DNAJC15: variants seen among roughly 807,000 people sequenced by gnomAD.
The protein encoded by DNAJC15 is DnaJ heat shock protein family (Hsp40) member C15, also known as dnaJ homolog subfamily C member 15.
DNAJC15 carries 27 observed loss-of-function variants against 22.4 expected under a neutral mutation model. That is an observed-to-expected ratio of 1.20 (90% CI 0.89 to 1.66). DNAJC15 has a LOEUF of 1.66. DNAJC15 is among the 40% of genes most tolerant of loss of function. The pLI is 0.00. For synonymous variants in DNAJC15, 79 were observed against 63.2 expected (o/e 1.25, Z -1.19); for missense variants, 208 against 187.1 (o/e 1.11, Z -0.65).
intron 1 of DNAJC15, among the ~76,000 whole-genome samples, chr13:43,064,259 G>C (rs1000928879): frequency 6.6e-6 from 1 of 152,160 alleles, no homozygotes; most frequent in Non-Finnish European, 1.5e-5. Flanking sequence ...ACCTTCATGC[G>C]GCTGCCCTTG....
At chr13:43,024,893 T>TAAAAAAAAAAAAAA (rs34398144) in intron 1 of DNAJC15, among the ~76,000 whole-genome samples, 30 of 85,946 alleles carry the variant, frequency 3.5e-4, no homozygotes, top group African/African-American at 6.0e-4. Context: ...CCATCTCTGC[T>TAAAAAAAAAAAAAA]AAAAAAAAAA....
At chr13:43,101,020 A>C (rs144548517) in intron 5 of DNAJC15, among the ~76,000 whole-genome samples, 1 of 152,066 alleles carries the variant, frequency 6.6e-6, no homozygotes, top group African/African-American at 2.4e-5. Flanking sequence ...TTTTGTCTCT[A>C]ATAACATTTT....
chr13:43,050,922 AC>A (rs2040499866), intron 1 of DNAJC15, among the ~76,000 whole-genome samples: 1 of 151,566 alleles, frequency 6.6e-6, no homozygotes, highest in Non-Finnish European at 1.5e-5. Flanking sequence ...ATCCTTTTTT[AC>A]TCTAGTGATC....
chr13:43,055,008 A>T (rs1593315982), intron 1 of DNAJC15, among the ~76,000 whole-genome samples: 1 of 149,494 alleles, frequency 6.7e-6, no homozygotes, highest in East Asian at 2.0e-4. Flanking sequence ...CAGTAAAAAC[A>T]GTGGGCCTTA....
chr13:43,059,771 G>A (rs915850170), intron 1 of DNAJC15, among the ~76,000 whole-genome samples: 9 of 152,250 alleles, frequency 5.9e-5, no homozygotes, highest in Non-Finnish European at 1.3e-4. Flanking sequence ...TCCGAAAAGA[G>A]AGTCAGCAAA....
intron 5 of DNAJC15, among the ~76,000 whole-genome samples, chr13:43,092,338 CTT>C (rs752003550): frequency 3.9e-5 from 6 of 151,928 alleles, no homozygotes; most frequent in Non-Finnish European, 8.8e-5. Context: ...TTTTTTCCAT[CTT>C]TTTATTTTCA....
At chr13:43,039,222 TA>T (rs1196627430) in intron 1 of DNAJC15, among the ~76,000 whole-genome samples, 1 of 152,232 alleles carries the variant, frequency 6.6e-6, no homozygotes, top group Non-Finnish European at 1.5e-5. Context: ...GTCTTCCTCA[TA>T]AAATGTGGGT....
intron 1 of DNAJC15, among the ~76,000 whole-genome samples, chr13:43,034,551 G>A (rs763692978): frequency 3.3e-5 from 5 of 151,932 alleles, no homozygotes; most frequent in Non-Finnish European, 7.4e-5. Flanking sequence ...TCCTGACCTA[G>A]TGATCCGCCC....
intron 1 of DNAJC15, among the ~76,000 whole-genome samples, chr13:43,028,850 C>T (rs900269875): frequency 6.6e-6 from 1 of 152,148 alleles, no homozygotes; most frequent in East Asian, 1.9e-4. Context: ...TTGTTTTATA[C>T]TGTGTGTTTC....
At chr13:43,079,674 CA>C (rs2040652708) in intron 4 of DNAJC15, among the ~76,000 whole-genome samples, 1 of 152,130 alleles carries the variant, frequency 6.6e-6, no homozygotes, top group Non-Finnish European at 1.5e-5. Flanking sequence ...ATTGGCCTCC[CA>C]AAATACCCTG....
chr13:43,033,471 T>C (rs1436926418), intron 1 of DNAJC15, among the ~76,000 whole-genome samples: 1 of 152,186 alleles, frequency 6.6e-6, no homozygotes, highest in African/African-American at 2.4e-5. Context: ...TCATATTTTA[T>C]TCAGATTCCC....
At position 43,028,345 on chromosome 13, in the gene DNAJC15, A is replaced by G. The variant is rs544158107; in HGVS notation, c.108+4611A>G. Among the ~76,000 whole-genome samples, 8 of 152,212 alleles carry G rather than the reference A, an allele frequency of 5.3e-5. 1 individual carries two copies. The South Asian group carries it at 1.0e-3, about 20-fold the overall frequency. On this transcript the variant is annotated intron_variant, in intron 1 of 5. Coordinates refer to ENST00000379221, the MANE Select transcript of DNAJC15 (RefSeq NM_013238.3). ...CTCCTTTACCTCCACCATTCAGTTC[A>G]TGAGTCACTTAGCCTCATCTCTGTA...
chr13:43,094,730 G>C (rs1360525796), intron 5 of DNAJC15, among the ~76,000 whole-genome samples: 1 of 152,042 alleles, frequency 6.6e-6, no homozygotes, highest in East Asian at 1.9e-4. Context: ...TTTTTCAGTT[G>C]AGTTCTAAAT....
At chr13:43,027,816 C>T (rs900560020) in intron 1 of DNAJC15, among the ~76,000 whole-genome samples, 3 of 152,202 alleles carry the variant, frequency 2.0e-5, no homozygotes, top group Non-Finnish European at 1.5e-5. Context: ...GCCACCACGC[C>T]CAGCTAATTT....
intron 1 of DNAJC15, among the ~76,000 whole-genome samples, chr13:43,024,388 G>C (rs1467533526): frequency 1.6e-5 from 2 of 127,724 alleles, no homozygotes; most frequent in African/African-American, 5.9e-5. Context: ...CTGTCGCCCA[G>C]GCTGGAGTGC....
At chr13:43,048,502 C>CA (rs771141623) in intron 1 of DNAJC15, among the ~76,000 whole-genome samples, 41 of 152,102 alleles carry the variant, frequency 2.7e-4, no homozygotes, top group Admixed American at 7.2e-4. Context: ...CAAAAATAAA[C>CA]AAAAAACAAA....
chr13:43,043,011 G>A (rs1005480316), intron 1 of DNAJC15, among the ~76,000 whole-genome samples: 3 of 152,190 alleles, frequency 2.0e-5, no homozygotes, highest in Non-Finnish European at 4.4e-5. Flanking sequence ...GGCTGCAAGT[G>A]CTCTCCAGGC....
intron 1 of DNAJC15, among the ~76,000 whole-genome samples, chr13:43,034,468 A>C (rs1314737424): frequency 6.6e-6 from 1 of 151,256 alleles, no homozygotes; most frequent in Non-Finnish European, 1.5e-5. Flanking sequence ...GGTGCCCACC[A>C]CCGCGCCCGG....
chr13:43,067,622 T>C (rs1385814405), intron 2 of DNAJC15, among the ~76,000 whole-genome samples: 1 of 152,200 alleles, frequency 6.6e-6, no homozygotes, highest in Non-Finnish European at 1.5e-5. Flanking sequence ...TAGAATATTA[T>C]ATTAAATAAC....
Sources: gnomAD v4.1 joint callset for allele counts (sites outside exome capture counted in the v4.1 genomes callset) on GRCh38, gnomAD v4.1.1 for gene constraint, MANE v1.5 for transcripts, NCBI Gene and HGNC (gene_info 2026-07-23, HGNC 2026-07-21) for gene names.